The following SPG11 variants were observed in gnomAD, a reference collection of about 807,000 sequenced individuals.
SPG11 encodes the protein SPG11 vesicle trafficking associated, spatacsin, also known as spatacsin.
In SPG11, 222 loss-of-function variants were observed where a neutral mutation model predicts 274.0. The observed-to-expected ratio is 0.81, with a 90% CI of 0.73 to 0.91. SPG11 has a LOEUF of 0.91. Among genes scored for constraint, SPG11 ranks in the 40% least tolerant of loss-of-function variants. SPG11 has a pLI of 0.00. For synonymous variants in SPG11, 1,144 were observed against 1,039.7 expected (o/e 1.10, Z -1.93); for missense variants, 3,114 against 2,872.7 (o/e 1.08, Z -1.92).
At chr15:44,564,860 G>C (rs1258841393) in intron 38 of SPG11, among the ~76,000 whole-genome samples, 162 bp from the exon 39 acceptor site, 1 of 152,114 alleles carries the variant, frequency 6.6e-6, no homozygotes, top group Non-Finnish European at 1.5e-5. Context: ...TGAAAAGTCA[G>C]GTGTGTGTTT....
intron 11 of SPG11, 27 bp from the exon 12 acceptor site, chr15:44,622,826 A>C (rs1196912898): frequency 6.4e-7 from 1 of 1,565,124 alleles, no homozygotes; most frequent in Non-Finnish European, 8.8e-7. Context: ...AAACCAAAAA[A>C]AGTTACATTT....
intron 28 of SPG11, among the ~76,000 whole-genome samples, chr15:44,588,811 C>T (rs2082832516): frequency 6.6e-6 from 1 of 152,180 alleles, no homozygotes; most frequent in East Asian, 1.9e-4. Flanking sequence ...TTACTCAAAA[C>T]CTTTGCCATT....
intron 20 of SPG11, among the ~76,000 whole-genome samples, chr15:44,605,735 A>C (rs1356164379): frequency 6.6e-6 from 1 of 152,226 alleles, no homozygotes; most frequent in Non-Finnish European, 1.5e-5. Flanking sequence ...CTATGCTTTT[A>C]ATTTTTATGA....
At chr15:44,565,241 A>G (rs1301863106) in intron 38 of SPG11, among the ~76,000 whole-genome samples, 1 of 152,198 alleles carries the variant, frequency 6.6e-6, no homozygotes, top group Non-Finnish European at 1.5e-5. Context: ...TTGCAGGACC[A>G]CCAGCAAGAG....
At chr15:44,635,461 C>T (rs1207948395) in intron 7 of SPG11, among the ~76,000 whole-genome samples, 9 of 151,774 alleles carry the variant, frequency 5.9e-5, no homozygotes, top group African/African-American at 2.2e-4. Context: ...TAAAAAGTAG[C>T]TGGGTGTGGT....
chr15:44,624,364 G>A (rs889219082), intron 11 of SPG11, among the ~76,000 whole-genome samples: 1 of 151,622 alleles, frequency 6.6e-6, no homozygotes, highest in African/African-American at 2.4e-5. Flanking sequence ...AGGAAAACCT[G>A]CAATTTTAAA....
Position 44,629,338 on chromosome 15 carries a change from C to A in SPG11, c.1786G>T (p.Glu596Ter). 1 of 1,614,162 alleles carries A rather than the reference C, an allele frequency of 6.2e-7. No homozygotes were observed. Among genetic ancestry groups the A allele is most frequent in the Non-Finnish European group, 8.5e-7 (1 of 1,180,026 alleles). ...TTGCTTTGGGGTTCAGAATAACTTT[C>A]TCTAATTGCCGAGCAAAGTAAATCC... ...ALDLLCSAIRESYSEPQSKHF... is the reference protein window; with the variant it reads ...ALDLLCSAIR The change falls in exon 9 of 40, where the codon GAA becomes TAA. Residue 596 changes from glutamate (E) to a stop codon, truncating the protein, a stop_gained. Transcript: ENST00000261866. LOFTEE classifies it high-confidence loss of function.
intron 7 of SPG11, among the ~76,000 whole-genome samples, chr15:44,647,275 C>A (rs1223218196): frequency 6.6e-6 from 1 of 152,172 alleles, no homozygotes; most frequent in Non-Finnish European, 1.5e-5. Context: ...AAAAAACAAA[C>A]AATAACAAGT....
intron 25 of SPG11, 27 bp from the exon 26 acceptor site, chr15:44,595,486 C>G (rs746836072): frequency 1.7e-5 from 28 of 1,609,304 alleles, no homozygotes; most frequent in Non-Finnish European, 2.4e-5. Flanking sequence ...AAAATAACAA[C>G]TAGGCCTGGA....
intron 26 of SPG11, among the ~76,000 whole-genome samples, chr15:44,592,885 G>A (rs1171504594): frequency 2.0e-5 from 3 of 151,776 alleles, no homozygotes; most frequent in African/African-American, 4.8e-5. Context: ...CCAGCTACTC[G>A]GGAAGTTGAG....
rs1555455266 is a variant in SPG11 at position 44,620,346 on chromosome 15, C to A, written c.2678G>T (p.Trp893Leu). 6.2e-7 allele frequency: 1 copy of A among 1,613,832 alleles called. No homozygotes were observed. Among genetic ancestry groups the A allele is most frequent in the African/African-American group, 1.3e-5 (1 of 74,862 alleles). ...TCCAATCCATAAGATAATGTTTAAC[C>A]AATCATGGCGAGCTGTGAGGTATCT... ...LWRYLTARHD[W>L]LNIILWIGEF... Residue 893 changes from tryptophan (W) to leucine (L), a missense_variant, in exon 15 of 40, where the codon TGG (tryptophan) becomes TTG (leucine). Trp to Leu is a moderately conservative substitution (Grantham distance 61). Transcript: ENST00000261866.
At chr15:44,636,052 G>A (rs1031593047) in intron 7 of SPG11, among the ~76,000 whole-genome samples, 5 of 152,090 alleles carry the variant, frequency 3.3e-5, no homozygotes, top group African/African-American at 1.2e-4. Context: ...ATATTGGGAG[G>A]GGCCTGACAA....
chr15:44,613,574 A>G (rs1361688276), intron 16 of SPG11, 38 bp from the exon 17 acceptor site: 2 of 1,319,190 alleles, frequency 1.5e-6, no homozygotes, highest in Non-Finnish European at 2.2e-6. Flanking sequence ...TTTGATTAAC[A>G]TACAGGATAA....
chr15:44,610,518 G>A (rs2083433772), intron 18 of SPG11, among the ~76,000 whole-genome samples: 1 of 152,076 alleles, frequency 6.6e-6, no homozygotes, highest in East Asian at 1.9e-4. Context: ...CAGTAGCTGG[G>A]ATTACAGGCG....
At position 44,618,044 on chromosome 15, in the gene SPG11, C is replaced by A. The variant is rs932967227; in HGVS notation, c.2834+2146G>T. ...AATCCACAAAACAAAAAACAAAAAA[C>A]AAAAAAATAACCGCTGGGATTTTTA... On this transcript the variant is annotated intron_variant, in intron 15 of 39. Transcript: ENST00000261866. Among the ~76,000 whole-genome samples, 19 of 151,812 alleles carry A rather than the reference C, an allele frequency of 1.3e-4. No homozygotes were observed. The South Asian group carries it at 4.0e-3, about 32-fold the overall frequency.
In SPG11 at chr15:44,584,458, T is replaced by C. The variant is rs1388497019; in HGVS notation, c.5222A>G (p.Asn1741Ser). 1 of 1,614,100 alleles carries C rather than the reference T, an allele frequency of 6.2e-7. No individual in the cohort carries two copies. The highest frequency in any genetic ancestry group is 2.2e-5 in the East Asian group (1 of 44,902). Residue 1741 changes from asparagine to serine, a missense_variant, in exon 30 of 40, where the codon AAT becomes AGT. Asn to Ser is a conservative substitution (Grantham distance 46, BLOSUM62 1). Transcript: ENST00000261866. ...AGAAGCTGCTTTGCTTGAAATTGAA[T>C]TTTTCTTAAAATTCTCATGGCATTT... The part of the protein sequence containing the change: ...WKKCHENFKK[N>S]SISSKAASSF...
intron 15 of SPG11, among the ~76,000 whole-genome samples, chr15:44,618,456 G>A (rs931117678): frequency 6.9e-6 from 1 of 145,042 alleles, no homozygotes; most frequent in Non-Finnish European, 1.5e-5. Flanking sequence ...GGCGGAGCTT[G>A]CAGTGAGCAG....
chr15:44,567,118 A>G (rs926954645), intron 36 of SPG11, among the ~76,000 whole-genome samples: 3 of 151,866 alleles, frequency 2.0e-5, no homozygotes, highest in Non-Finnish European at 4.4e-5. Context: ...TTGGGAGGCC[A>G]ACGTGGGCAG....
At position 44,616,161 on chromosome 15, in the gene SPG11, T is replaced by G. The variant is rs553192668; in HGVS notation, c.2835-595A>C. Among the ~76,000 whole-genome samples, 36 of 151,524 alleles carry G rather than the reference T, an allele frequency of 2.4e-4. No individual in the cohort carries two copies. The East Asian group carries it at 7.0e-3, about 29-fold the overall frequency. On this transcript the variant is annotated intron_variant, in intron 15 of 39. Transcript: ENST00000261866. ...TCCCAACTGCATGCCCTTTGCTACC[T>G]CCAGAGGTAGCCACTATCTTGACTT... is the stretch of plus-strand genomic sequence containing the variant.
Sources: gnomAD v4.1 joint callset for allele counts (sites outside exome capture counted in the v4.1 genomes callset) on GRCh38, gnomAD v4.1.1 for gene constraint, MANE v1.5 for transcripts, NCBI Gene and HGNC (gene_info 2026-07-23, HGNC 2026-07-21) for gene names.